POMK: variants seen among roughly 807,000 people sequenced by gnomAD.
The protein encoded by POMK is protein O-mannose kinase.
POMK carries 19 observed loss-of-function variants against 23.0 expected under a neutral mutation model. That is an observed-to-expected ratio of 0.83 (90% CI 0.58 to 1.21). The LOEUF (loss-of-function observed/expected upper bound fraction) is 1.21. POMK is among the 50% of genes most tolerant of loss of function. POMK has a pLI of 0.00. For synonymous variants in POMK, 173 were observed against 171.6 expected, an observed-to-expected ratio of 1.01 and a Z score of -0.06; for missense variants, 410 against 431.3, an observed-to-expected ratio of 0.95 and a Z score of 0.44.
chr8:43,112,914 G>A (rs1303006100), intron 4 of POMK, among the ~76,000 whole-genome samples: 2 of 152,152 alleles, frequency 1.3e-5, no homozygotes, highest in African/African-American at 2.4e-5. Flanking sequence ...CCTGAAGGAA[G>A]CGCTAAACAT....
At chr8:43,121,103 G>C (rs1811908903) in intron 4 of POMK, among the ~76,000 whole-genome samples, 1 of 152,142 alleles carries the variant, frequency 6.6e-6, no homozygotes, top group South Asian at 2.1e-4. Flanking sequence ...TATTCCTGGA[G>C]CTTCTTACCT....
At chr8:43,119,551 G>A (rs1811869107) in intron 4 of POMK, among the ~76,000 whole-genome samples, 1 of 147,980 alleles carries the variant, frequency 6.8e-6, no homozygotes, top group Middle Eastern at 3.4e-3. Flanking sequence ...TCCTGCCTCA[G>A]CCTCCTGAGT....
chr8:43,110,880 A>G (rs1333354638), intron 4 of POMK, among the ~76,000 whole-genome samples: 2 of 152,006 alleles, frequency 1.3e-5, no homozygotes, highest in Non-Finnish European at 2.9e-5. Flanking sequence ...AGATCGCGCC[A>G]TTGCACTCCA....
intron 3 of POMK, among the ~76,000 whole-genome samples, chr8:43,102,899 A>T (rs1464373728): frequency 1.3e-5 from 2 of 152,098 alleles, no homozygotes; most frequent in Non-Finnish European, 2.9e-5. Context: ...CTCCAATCTC[A>T]TCGCTGTTAT....
intron 4 of POMK, 59 bp from the exon 5 acceptor site, chr8:43,122,048 C>G: frequency 1.3e-6 from 2 of 1,512,696 alleles, no homozygotes; most frequent in Non-Finnish European, 1.8e-6. Flanking sequence ...ATTTGTTGTT[C>G]TTTGGTCACT....
In POMK at chr8:43,114,621, C is replaced by T. The variant is rs1811755674; in HGVS notation, c.283-7486C>T. ...GTGCACGGTGCGCTGCACCCACTGT[C>T]CTGCACCCACTGTCTGGCACTCCCT... On this transcript the variant is annotated intron_variant, in intron 4 of 4. Coordinates refer to ENST00000331373, the MANE Select transcript of POMK (RefSeq NM_032237.5). 2.0e-5 allele frequency among the ~76,000 whole-genome samples: 3 copies of T among 152,354 alleles called. No individual in the cohort carries two copies. The South Asian group carries it at 6.2e-4, about 32-fold the overall frequency.
chr8:43,095,828 C>G (rs914515028), intron 1 of POMK, among the ~76,000 whole-genome samples: 1 of 152,152 alleles, frequency 6.6e-6, no homozygotes, highest in Non-Finnish European at 1.5e-5. Flanking sequence ...CCTGAATCCA[C>G]TAGTGGCAAG....
intron 2 of POMK, among the ~76,000 whole-genome samples, chr8:43,100,942 T>A (rs1469796251): frequency 6.6e-6 from 1 of 151,902 alleles, no homozygotes; most frequent in Non-Finnish European, 1.5e-5. Context: ...CTACTGTGGG[T>A]TTAGAGCCAT....
chr8:43,119,752 A>C (rs1384783467), intron 4 of POMK, among the ~76,000 whole-genome samples: 1 of 151,926 alleles, frequency 6.6e-6, no homozygotes, highest in Non-Finnish European at 1.5e-5. Context: ...TTTTAATAGA[A>C]GTTATTATCC....
At chr8:43,110,169 C>G (rs549453085) in intron 4 of POMK, among the ~76,000 whole-genome samples, 1 of 152,376 alleles carries the variant, frequency 6.6e-6, no homozygotes, top group African/African-American at 2.4e-5. Flanking sequence ...CATTTTACTT[C>G]CCTTACATGC....
intron 4 of POMK, among the ~76,000 whole-genome samples, chr8:43,121,833 A>C (rs2130625842): frequency 6.6e-6 from 1 of 152,134 alleles, no homozygotes; most frequent in East Asian, 1.9e-4. Flanking sequence ...GCCTTCCAGC[A>C]CCCTCTGCAG....
chr8:43,112,282 G>A (rs146318185), intron 4 of POMK, among the ~76,000 whole-genome samples: 2,690 of 152,348 alleles, frequency 0.018, 78 homozygotes, highest in African/African-American at 0.063. Context: ...ACAAGCCTCA[G>A]TAACCTATGC....
Position 43,122,350 on chromosome 8 carries a change from C to A in POMK, c.526C>A (p.Gln176Lys). Residue 176 changes from glutamine (Q) to lysine (K), a missense_variant, in exon 5 of 5, where the codon CAG becomes AAG. Transcript: ENST00000331373. ...AAAGTACCAAAATGTGAACACGTGGCAGCACAGGCTGGAGCTGGCCATGGA... is the reference window on the plus strand; with the variant it reads ...AAAGTACCAAAATGTGAACACGTGGAAGCACAGGCTGGAGCTGGCCATGGA... ...LSKYQNVNTW[Q>K]HRLELAMDYV... 1 of 1,614,208 alleles carries A rather than the reference C, an allele frequency of 6.2e-7. No individual in the cohort carries two copies. Among genetic ancestry groups the A allele is most frequent in the South Asian group, 1.1e-5 (1 of 91,086 alleles).
At chr8:43,095,905 A>G (rs1586668411) in intron 1 of POMK, among the ~76,000 whole-genome samples, 1 of 152,146 alleles carries the variant, frequency 6.6e-6, no homozygotes, top group East Asian at 1.9e-4. Flanking sequence ...GCAGGGTTTG[A>G]GCTGGGAAAC....
At chr8:43,108,190 C>A (rs776209296) in intron 4 of POMK, among the ~76,000 whole-genome samples, 30 of 152,158 alleles carry the variant, frequency 2.0e-4, no homozygotes, top group Non-Finnish European at 3.7e-4. Flanking sequence ...TCTATACTTA[C>A]CATGGGTCAG....
intron 4 of POMK, among the ~76,000 whole-genome samples, chr8:43,112,762 A>G (rs1259081724): frequency 6.6e-6 from 1 of 152,222 alleles, no homozygotes; most frequent in African/African-American, 2.4e-5. Context: ...CCAATATTCA[A>G]CATTCTTAGA....
At chr8:43,102,658 C>G (rs1563336647) in intron 3 of POMK, 58 bp downstream of exon 3, 2 of 152,496 alleles carry the variant, frequency 1.3e-5, no homozygotes, top group African/African-American at 2.4e-5. Flanking sequence ...CCCCAGCATT[C>G]CAGTGCTGTT....
In POMK at chr8:43,094,268, C is replaced by T. The variant is rs542496671; in HGVS notation, c.-210+705C>T. On this transcript the variant is annotated intron_variant, in intron 1 of 4. Coordinates refer to ENST00000331373, the MANE Select transcript of POMK (RefSeq NM_032237.5). ...GTCAGGCTGGTCTCGAACGCCTGAC[C>T]TCAGGTGATCCGCCCGCCTCTGCCT... 1.4e-4 allele frequency among the ~76,000 whole-genome samples: 21 copies of T among 152,126 alleles called. No homozygotes were observed. In the South Asian group the frequency reaches 2.9e-3, roughly 21 times the overall value.
chr8:43,093,960 T>A (rs1811277930), intron 1 of POMK, among the ~76,000 whole-genome samples: 1 of 152,126 alleles, frequency 6.6e-6, no homozygotes, highest in Admixed American at 6.5e-5. Flanking sequence ...GCCTATAGTC[T>A]TATCTACTCC....
Sources: allele counts gnomAD v4.1 joint callset (sites outside exome capture counted in the v4.1 genomes callset), GRCh38; gene constraint gnomAD v4.1.1; transcripts MANE v1.5; gene names NCBI Gene and HGNC (gene_info 2026-07-23, HGNC 2026-07-21).